The following GRM8 variants were observed in gnomAD, a reference collection of about 807,000 sequenced individuals.
The protein encoded by GRM8 is glutamate metabotropic receptor 8.
Under a neutral mutation model 87.2 loss-of-function variants are expected in GRM8, and 47 were observed. The ratio of observed to expected loss-of-function variants is 0.54; its 90% CI spans 0.43 to 0.69. The LOEUF (loss-of-function observed/expected upper bound fraction) is 0.69. Among genes scored for constraint, GRM8 ranks in the 30% least tolerant of loss-of-function variants. GRM8 has a pLI of 0.00. For synonymous variants in GRM8, 396 were observed against 404.5 expected, an observed-to-expected ratio of 0.98 and a Z score of 0.25; for missense variants, 1,019 against 1,139.2, an observed-to-expected ratio of 0.89 and a Z score of 1.52.
chr7:126,461,538 T>C (rs1803898397), intron 9 of GRM8, among the ~76,000 whole-genome samples: 1 of 151,670 alleles, frequency 6.6e-6, no homozygotes, highest in Non-Finnish European at 1.5e-5. Flanking sequence ...CCATCCTTTA[T>C]TCACCTTTGC....
intron 3 of GRM8, among the ~76,000 whole-genome samples, chr7:126,949,478 T>G (rs17867105): frequency 0.038 from 5,746 of 152,236 alleles, 339 homozygotes; most frequent in African/African-American, 0.13. Context: ...TTTTAAAAGG[T>G]GCAATGAGTA....
intron 7 of GRM8, among the ~76,000 whole-genome samples, chr7:126,742,869 T>G (rs1815175106): frequency 6.6e-6 from 1 of 152,160 alleles, no homozygotes; most frequent in African/African-American, 2.4e-5. Flanking sequence ...ATTTTAATAA[T>G]TGCCTATTTA....
chr7:126,775,719 G>C (rs1819394278), intron 6 of GRM8, among the ~76,000 whole-genome samples: 1 of 152,036 alleles, frequency 6.6e-6, no homozygotes, highest in Non-Finnish European at 1.5e-5. Flanking sequence ...CTAGGGGAGA[G>C]AGAGGATCAG....
At chr7:126,560,713 T>C (rs1858950) in intron 8 of GRM8, among the ~76,000 whole-genome samples, 1 of 152,200 alleles carries the variant, frequency 6.6e-6, no homozygotes, top group Non-Finnish European at 1.5e-5. Context: ...CATTTTGAAG[T>C]ACTAGCATTC....
chr7:126,965,224 G>A (rs80309565), intron 3 of GRM8, among the ~76,000 whole-genome samples: 1 of 152,024 alleles, frequency 6.6e-6, no homozygotes, highest in East Asian at 1.9e-4. Context: ...ACAGGTTGAT[G>A]GGTACAGCAA....
chr7:126,982,376 G>A (rs1178604240), intron 3 of GRM8, among the ~76,000 whole-genome samples: 1 of 152,120 alleles, frequency 6.6e-6, no homozygotes, highest in Non-Finnish European at 1.5e-5. Flanking sequence ...ATCCAATCAA[G>A]TTGACACTCA....
rs201502019 is a variant in GRM8, at chr7:126,477,587, G to GA, written c.2431-31216dup. Among the ~76,000 whole-genome samples, 505 of 65,628 alleles carry GA rather than the reference G, an allele frequency of 7.7e-3. 5 individuals carry two copies. The highest frequency in any genetic ancestry group is 0.023 in the Middle Eastern group (3 of 132). The allele number at this position is 65,628 out of a possible 152,430, so 43.1% of individuals were successfully genotyped here. On this transcript the variant is annotated intron_variant, in intron 9 of 10. Transcript: ENST00000339582. ...AGAAAGAAAGAAAGAAAGAGAGAAA[G>GA]AAAGAAAGAAAGAAAGAAAGAAAGA...
intron 6 of GRM8, among the ~76,000 whole-genome samples, chr7:126,794,081 G>A (rs774911410): frequency 4.6e-5 from 7 of 151,524 alleles, no homozygotes; most frequent in Non-Finnish European, 7.4e-5. Context: ...GAAAAATATC[G>A]ATTTGAAACT....
chr7:126,976,267 C>G (rs1053579833), intron 3 of GRM8, among the ~76,000 whole-genome samples: 1 of 152,172 alleles, frequency 6.6e-6, no homozygotes, highest in Non-Finnish European at 1.5e-5. Context: ...CTACGATGTT[C>G]TTAAATTTTT....
intron 6 of GRM8, among the ~76,000 whole-genome samples, chr7:126,826,280 C>T (rs1261353835): frequency 2.6e-5 from 4 of 152,104 alleles, no homozygotes; most frequent in Non-Finnish European, 4.4e-5. Flanking sequence ...GTTCTAGATC[C>T]CTGAGGAATC....
intron 8 of GRM8, among the ~76,000 whole-genome samples, chr7:126,534,128 G>A (rs769005876): frequency 1.3e-5 from 2 of 151,870 alleles, no homozygotes; most frequent in African/African-American, 2.4e-5. Context: ...CCTCCTCATT[G>A]CTGACCAATG....
chr7:127,037,434 C>T (rs1459237797), intron 3 of GRM8, among the ~76,000 whole-genome samples: 5 of 152,148 alleles, frequency 3.3e-5, no homozygotes, highest in Admixed American at 1.3e-4. Context: ...TGAGCCTCTC[C>T]CTCCCCCAAC....
Position 126,533,790 on chromosome 7 carries a change from C to G in GRM8, c.1592G>C (p.Gly531Ala). 6.2e-7 allele frequency: 1 copy of G among 1,613,942 alleles called. No homozygotes were observed. Among genetic ancestry groups the G allele is most frequent in the Middle Eastern group, 1.6e-4 (1 of 6,062 alleles). Reference protein sequence around the residue: ...KPGERKKTVKGVPCCWHCERC... With the variant: ...KPGERKKTVKAVPCCWHCERC... ...TTCACAGTGCCAGCAGCAAGGGACC[C>G]CTTTCACCGTTTTCTTCCTCTCCCC... Residue 531 changes from glycine to alanine, a missense_variant, in exon 9 of 11, where the codon GGG becomes GCG. Coordinates refer to ENST00000339582, the MANE Select transcript of GRM8 (RefSeq NM_000845.3).
chr7:126,923,592 A>G (rs1804768622), intron 3 of GRM8, among the ~76,000 whole-genome samples: 2 of 152,218 alleles, frequency 1.3e-5, no homozygotes, highest in Non-Finnish European at 2.9e-5. Flanking sequence ...TTCAAGGGCC[A>G]CAAGAAAATG....
Position 126,533,961 on chromosome 7 carries a change from G to T in GRM8, c.1495-74C>A. The T allele has an allele frequency of 3.7e-6, 4 of 1,079,448 alleles. No homozygotes were observed. The South Asian group carries it at 4.5e-5, about 12-fold the overall frequency. The allele number at this position is 1,079,448 out of a possible 1,614,324, so 66.9% of individuals were successfully genotyped here. A position where few individuals can be genotyped will look rare whatever the true frequency, so the allele number is the denominator to read the frequency against. ...ATATCCTAATCCTAGCCACGGGTTT[G>T]TAATGAATCACAGAATGCTGACAGT... is the stretch of plus-strand genomic sequence containing the variant. On this transcript the variant is annotated intron_variant, in intron 8 of 10. Coordinates refer to ENST00000339582, the MANE Select transcript of GRM8 (RefSeq NM_000845.3).
intron 3 of GRM8, among the ~76,000 whole-genome samples, chr7:126,989,164 T>C (rs547834672): frequency 9.8e-5 from 15 of 152,308 alleles, no homozygotes; most frequent in Admixed American, 9.2e-4. Context: ...AGAGATCCCA[T>C]AGAGGCTCTT....
chr7:127,230,584 C>G (rs1797622061), intron 2 of GRM8, among the ~76,000 whole-genome samples: 1 of 152,208 alleles, frequency 6.6e-6, no homozygotes. Flanking sequence ...GAAATCCTAA[C>G]CCTCATTGTG....
At chr7:126,626,911 A>G (rs1165445228) in intron 7 of GRM8, among the ~76,000 whole-genome samples, 2 of 152,192 alleles carry the variant, frequency 1.3e-5, no homozygotes, top group African/African-American at 2.4e-5. Context: ...ACAACACTGT[A>G]TAGATTATCA....
chr7:126,673,887 T>G (rs1214131155), intron 7 of GRM8, among the ~76,000 whole-genome samples: 1 of 152,158 alleles, frequency 6.6e-6, no homozygotes, highest in African/African-American at 2.4e-5. Context: ...GTATTACATA[T>G]TATTAATATT....
Sources: gnomAD v4.1 joint callset for allele counts (sites outside exome capture counted in the v4.1 genomes callset) on GRCh38, gnomAD v4.1.1 for gene constraint, MANE v1.5 for transcripts, NCBI Gene and HGNC (gene_info 2026-07-23, HGNC 2026-07-21) for gene names.